The following ATAD2 variants were observed in gnomAD, a reference collection of about 807,000 sequenced individuals.
ATAD2 encodes the protein ATPase family AAA domain containing 2, also known as ATPase family AAA domain-containing protein 2.
ATAD2 carries 62 observed loss-of-function variants against 168.9 expected under a neutral mutation model. The observed-to-expected ratio is 0.37, with a 90% CI of 0.30 to 0.45. The LOEUF is 0.45. Among genes scored for constraint, ATAD2 ranks in the 20% least tolerant of loss-of-function variants. ATAD2 has a pLI of 1.00. For missense variants in ATAD2, 1,419 were observed against 1,667.8 expected (o/e 0.85, Z 2.60); for synonymous variants, 613 against 571.6 (o/e 1.07, Z -1.03).
chr8:123,389,986 T>TATATATATATATAA (rs58743148), intron 1 of ATAD2, among the ~76,000 whole-genome samples: 3 of 67,676 alleles, frequency 4.4e-5, no homozygotes, highest in Non-Finnish European at 8.7e-5. Context: ...ATATATATAT[T>TATATATATATATAA]TTTTTTTTTT....
intron 11 of ATAD2, 34 bp from the exon 12 acceptor site, chr8:123,357,770 A>T: frequency 6.5e-7 from 1 of 1,531,086 alleles, no homozygotes; most frequent in East Asian, 2.3e-5. Context: ...TTAGTATTAC[A>T]TTTAAAAAGC....
intron 14 of ATAD2, among the ~76,000 whole-genome samples, chr8:123,348,935 A>G (rs777801581): frequency 1.3e-5 from 2 of 152,142 alleles, no homozygotes; most frequent in Non-Finnish European, 2.9e-5. Context: ...TTCCCAGAAG[A>G]TTAAGTAGAC....
At chr8:123,371,179 C>A in intron 5 of ATAD2, 57 bp downstream of exon 5, 1 of 1,373,946 alleles carries the variant, frequency 7.3e-7, no homozygotes, top group Non-Finnish European at 1.0e-6. Context: ...GGATTAGGTA[C>A]TATAAAAAAA....
At position 123,357,696 on chromosome 8, in the gene ATAD2, G is replaced by A. The variant is rs1011715840; in HGVS notation, c.1423C>T (p.Leu475=). The change falls in exon 12 of 28, where the codon CTG becomes TTG. Residue 475 remains leucine, a synonymous_variant. Coordinates refer to ENST00000287394, the MANE Select transcript of ATAD2 (RefSeq NM_014109.4). Reference sequence around the variant, plus strand: ...TCATTGGCAAGTGCTCTGGCAACCAGAGTCTTTCCAGTTCCAGGTGGCCCA... The same window carrying A: ...TCATTGGCAAGTGCTCTGGCAACCAAAGTCTTTCCAGTTCCAGGTGGCCCA... The part of the protein sequence containing the change: ...FYGPPGTGKT[L]VARALANECS... 8.7e-6 allele frequency: 14 copies of A among 1,611,946 alleles called. No individual in the cohort carries two copies. The highest frequency in any genetic ancestry group is 2.2e-5 in the East Asian group (1 of 44,706).
intron 11 of ATAD2, among the ~76,000 whole-genome samples, chr8:123,358,722 AC>A (rs1462299730): frequency 8.5e-6 from 1 of 118,110 alleles, no homozygotes; most frequent in Non-Finnish European, 1.7e-5. Context: ...ATGGTACATT[AC>A]TTTTTTTTTT....
intron 24 of ATAD2, among the ~76,000 whole-genome samples, chr8:123,333,409 C>CAAA (rs35820976): frequency 3.2e-5 from 2 of 61,704 alleles, no homozygotes; most frequent in African/African-American, 1.3e-4. Flanking sequence ...GACTCCGTCT[C>CAAA]AAAAAAAAAA....
In ATAD2 at chr8:123,325,928, T is replaced by A. The variant is rs752865108; in HGVS notation, c.3967A>T (p.Thr1323Ser). The change falls in exon 26 of 28, where the codon ACA (threonine) becomes TCA (serine). Residue 1323 changes from threonine (T) to serine (S), a missense_variant. Around this residue, in one of 5 missense-constraint regions of ATAD2, gnomAD observed 303 missense variants for 304.3 expected, o/e 1.00. Transcript: ENST00000287394. ...TCATGATCCACAACAAGTGAGGGTG[T>A]AGGCTGAGAAAGAATTGCCAAAGCC... ...EKALAILSQP[T>S]PSLVVDHERL... 6.8e-6 allele frequency: 11 copies of A among 1,614,054 alleles called. No individual in the cohort carries two copies.
chr8:123,387,325 T>G (rs1829673059), intron 1 of ATAD2, among the ~76,000 whole-genome samples: 5 of 152,168 alleles, frequency 3.3e-5, no homozygotes, highest in Admixed American at 3.3e-4. Context: ...CAATTTTTTC[T>G]GATGTTATAA....
chr8:123,387,350 A>G (rs1469564333), intron 1 of ATAD2, among the ~76,000 whole-genome samples: 1 of 152,150 alleles, frequency 6.6e-6, no homozygotes, highest in African/African-American at 2.4e-5. Context: ...CTCTAGATGA[A>G]TTATCTTGTG....
At chr8:123,367,537 T>C (rs1586887548) in intron 8 of ATAD2, among the ~76,000 whole-genome samples, 1 of 152,272 alleles carries the variant, frequency 6.6e-6, no homozygotes, top group Middle Eastern at 3.4e-3. Flanking sequence ...CTTGGTCCTG[T>C]GCCTGGTGGT....
chr8:123,394,830 T>C (rs77822256), intron 1 of ATAD2, among the ~76,000 whole-genome samples: 10,206 of 152,300 alleles, frequency 0.067, 455 homozygotes, highest in Middle Eastern at 0.14. Context: ...TGCCAATTCC[T>C]GGCAGATGAC....
chr8:123,394,106 A>AAAAACGAG (rs1199097726), intron 1 of ATAD2, among the ~76,000 whole-genome samples: 1 of 152,124 alleles, frequency 6.6e-6, no homozygotes, highest in Non-Finnish European at 1.5e-5. Flanking sequence ...ACTGAAAAAA[A>AAAAACGAG]AAAACGGAGT....
intron 1 of ATAD2, among the ~76,000 whole-genome samples, chr8:123,413,905 G>A (rs7821700): frequency 0.11 from 17,013 of 151,682 alleles, 1,332 homozygotes; most frequent in East Asian, 0.22. Context: ...GTATGGCGGC[G>A]GGGAGGGTGG....
rs759030556 is a variant in ATAD2, at chr8:123,402,426, C to T, written c.-2281-1251G>A. Among the ~76,000 whole-genome samples, 23 of 152,104 alleles carry T rather than the reference C, an allele frequency of 1.5e-4. No individual in the cohort carries two copies. Among genetic ancestry groups the T allele is most frequent in the Non-Finnish European group, 2.6e-4 (18 of 67,960 alleles). ...CCCCCACCCCAGGGGCAGGCAGCCC[C>T]TCCTGGCTTCTCCTGTAGGGCACTT... On this transcript the variant is annotated intron_variant, in intron 1 of 28. Coordinates refer to the ATAD2 transcript ENST00000521903. The surrounding 1 kb of genome is among the most constrained non-coding windows in gnomAD (Gnocchi z 4.8).
At chr8:123,322,668 CTAAA>C (rs147786516) in intron 27 of ATAD2, among the ~76,000 whole-genome samples, 3 of 151,712 alleles carry the variant, frequency 2.0e-5, no homozygotes, top group East Asian at 1.9e-4. Flanking sequence ...GACCCTGTCT[CTAAA>C]TAAATAAATA....
chr8:123,396,756 A>G (rs2129998443), upstream of ATAD2, among the ~76,000 whole-genome samples: 1 of 152,214 alleles, frequency 6.6e-6, no homozygotes, highest in East Asian at 1.9e-4. Flanking sequence ...CGGCGGGGGA[A>G]GGGAGGCCTC....
intron 13 of ATAD2, among the ~76,000 whole-genome samples, chr8:123,353,421 A>C (rs1398383327): frequency 6.6e-6 from 1 of 152,150 alleles, no homozygotes; most frequent in Non-Finnish European, 1.5e-5. Context: ...CAAAAAACTA[A>C]CAACATAAAA....
chr8:123,390,805 G>A lies in ATAD2; in HGVS notation c.171+5382C>T, dbSNP rs141968065. ...CCCAGACTTTGGGAGGCCAAGGCAG[G>A]TGGATCACCTGAGGTCAGGAGTTTG... On this transcript the variant is annotated intron_variant, in intron 1 of 27. Transcript: ENST00000287394. Among the ~76,000 whole-genome samples the A allele has an allele frequency of 7.9e-3, 1,200 of 152,280 alleles. 5 individuals are homozygous for A. Among genetic ancestry groups the A allele is most frequent in the Middle Eastern group, 0.027 (8 of 294 alleles).
At chr8:123,348,060 T>C in intron 15 of ATAD2, 123 bp downstream of exon 15, 1 of 749,402 alleles carries the variant, frequency 1.3e-6, no homozygotes, top group Non-Finnish European at 2.3e-6. Context: ...CAAAAGAAAC[T>C]GTGGTTTTTG....
Sources: allele counts gnomAD v4.1 joint callset (sites outside exome capture counted in the v4.1 genomes callset), GRCh38; gene constraint gnomAD v4.1.1; regional missense constraint gnomAD v4.1.1; non-coding constraint Gnocchi (gnomAD v3.1); transcripts MANE v1.5; gene names NCBI Gene and HGNC (gene_info 2026-07-23, HGNC 2026-07-21).